The following C1QTNF7 variants were observed in gnomAD, a reference collection of about 807,000 sequenced individuals.
C1QTNF7 encodes the protein C1q and TNF related 7.
In C1QTNF7, 15 loss-of-function variants were observed where a neutral mutation model predicts 19.6. The ratio of observed to expected loss-of-function variants is 0.76; its 90% CI spans 0.51 to 1.18. The LOEUF (loss-of-function observed/expected upper bound fraction) is 1.18. C1QTNF7 is among the 50% of genes most tolerant of loss of function. C1QTNF7 has a pLI of 0.00. For missense variants in C1QTNF7, 324 were observed against 359.7 expected, an observed-to-expected ratio of 0.90 and a Z score of 0.80; for synonymous variants, 142 against 137.5, an observed-to-expected ratio of 1.03 and a Z score of -0.23.
At chr4:15,382,089 T>C (rs902048610) in intron 1 of C1QTNF7, among the ~76,000 whole-genome samples, 1 of 152,236 alleles carries the variant, frequency 6.6e-6, no homozygotes, top group African/African-American at 2.4e-5. Flanking sequence ...CCAAGGGATA[T>C]AATTCCCAGA....
At chr4:15,400,673 T>A (rs962866474) in intron 1 of C1QTNF7, among the ~76,000 whole-genome samples, 1 of 152,212 alleles carries the variant, frequency 6.6e-6, no homozygotes, top group African/African-American at 2.4e-5. Context: ...TAATGTTTGT[T>A]ATAGAAATTA....
At chr4:15,393,989 G>C (rs762479267) in intron 1 of C1QTNF7, among the ~76,000 whole-genome samples, 1 of 152,192 alleles carries the variant, frequency 6.6e-6, no homozygotes, top group Non-Finnish European at 1.5e-5. Context: ...GAGGGGGTGT[G>C]TAGGGCCAAG....
chr4:15,351,262 C>T (rs1716926296), intron 1 of C1QTNF7, among the ~76,000 whole-genome samples: 1 of 152,124 alleles, frequency 6.6e-6, no homozygotes, highest in Non-Finnish European at 1.5e-5. Context: ...ATCCTTCCTT[C>T]CTTCCTCTGT....
At chr4:15,357,791 G>A (rs1164626575) in intron 1 of C1QTNF7, among the ~76,000 whole-genome samples, 2 of 152,090 alleles carry the variant, frequency 1.3e-5, no homozygotes, top group Non-Finnish European at 2.9e-5. Flanking sequence ...CCTTGAAGAG[G>A]TACTTCACAT....
intron 1 of C1QTNF7, among the ~76,000 whole-genome samples, chr4:15,401,895 T>G (rs1023759548): frequency 6.6e-6 from 1 of 152,098 alleles, no homozygotes. Flanking sequence ...ATAAAAATGA[T>G]TACAGACAAG....
intron 1 of C1QTNF7, among the ~76,000 whole-genome samples, chr4:15,357,317 C>G (rs971192174): frequency 6.6e-6 from 1 of 152,174 alleles, no homozygotes; most frequent in Non-Finnish European, 1.5e-5. Context: ...CTGCATATGG[C>G]TATCCAGTTT....
chr4:15,429,547 T>G (rs1712213010), intron 1 of C1QTNF7, among the ~76,000 whole-genome samples: 4 of 152,240 alleles, frequency 2.6e-5, no homozygotes, highest in Admixed American at 2.6e-4. Flanking sequence ...TTCCTCATGT[T>G]GTAGCATGTG....
intron 1 of C1QTNF7, among the ~76,000 whole-genome samples, chr4:15,357,136 A>G (rs1424988360): frequency 2.0e-5 from 3 of 151,916 alleles, no homozygotes; most frequent in African/African-American, 4.8e-5. Context: ...TTTTGTTACC[A>G]TTGCTTTTGG....
intron 1 of C1QTNF7, among the ~76,000 whole-genome samples, chr4:15,412,422 G>A (rs1420503446): frequency 2.0e-5 from 3 of 151,190 alleles, no homozygotes; most frequent in Non-Finnish European, 4.4e-5. Context: ...ACATTTTCTG[G>A]CACAGGGCTT....
At chr4:15,417,595 A>C (rs1719645552) in intron 1 of C1QTNF7, among the ~76,000 whole-genome samples, 1 of 152,212 alleles carries the variant, frequency 6.6e-6, no homozygotes, top group Non-Finnish European at 1.5e-5. Flanking sequence ...TGAGCAGCAT[A>C]GTGAGAACCT....
rs146900806 is a variant in C1QTNF7, at chr4:15,442,737, G to A, written c.808G>A (p.Gly270Arg). 1.4e-4 allele frequency: 232 copies of A among 1,613,926 alleles called. No homozygotes were observed. The highest frequency in any genetic ancestry group is 1.8e-4 in the Non-Finnish European group (215 of 1,180,012). Residue 270 changes from glycine to arginine, a missense_variant, in exon 3 of 3, where the codon GGG (glycine) becomes AGG (arginine). Physicochemically the swap from Gly to Arg is moderately radical, Grantham distance 125 (BLOSUM62 -2). Coordinates refer to ENST00000444304, the MANE Select transcript of C1QTNF7 (RefSeq NM_031911.5). ...AGGTTGGGCAGACAGCTTATTCTCC[G>A]GGTTTCTCTTATACGTTGACACAGA... ...DPGWADSLFSGFLLYVDTDYL... is the reference protein window; with the variant it reads ...DPGWADSLFSRFLLYVDTDYL...
chr4:15,424,805 C>T (rs1438447776), upstream of C1QTNF7, among the ~76,000 whole-genome samples: 1 of 152,196 alleles, frequency 6.6e-6, no homozygotes, highest in African/African-American at 2.4e-5. Flanking sequence ...TGGATTTTAA[C>T]AAGTTCTAAG....
intron 1 of C1QTNF7, chr4:15,358,213 C>T (rs1308389863): frequency 6.6e-6 from 1 of 152,096 alleles, no homozygotes; most frequent in East Asian, 1.9e-4. Flanking sequence ...GTGGGTTTGT[C>T]ATAAATAGCT....
chr4:15,422,991 G>A (rs1223199210), intron 1 of C1QTNF7, among the ~76,000 whole-genome samples: 3 of 152,138 alleles, frequency 2.0e-5, no homozygotes, highest in African/African-American at 7.2e-5. Flanking sequence ...TATGATCTGG[G>A]ATAATGCTAT....
At chr4:15,389,851 CA>C (rs1718489892) in intron 1 of C1QTNF7, among the ~76,000 whole-genome samples, 1 of 152,078 alleles carries the variant, frequency 6.6e-6, no homozygotes, top group South Asian at 2.1e-4. Context: ...GTGAGTAGGT[CA>C]GGGGGCAGGA....
upstream of C1QTNF7, among the ~76,000 whole-genome samples, chr4:15,423,149 G>A (rs1711862655): frequency 6.6e-6 from 1 of 152,192 alleles, no homozygotes; most frequent in African/African-American, 2.4e-5. Flanking sequence ...CTGAGTTCCA[G>A]TTCTGGTTTA....
At chr4:15,437,618 G>T (rs544492752) in intron 2 of C1QTNF7, among the ~76,000 whole-genome samples, 1 of 152,104 alleles carries the variant, frequency 6.6e-6, no homozygotes, top group Admixed American at 6.5e-5. Flanking sequence ...AACCATATAT[G>T]AGGCTAACTA....
At chr4:15,410,682 C>G (rs1401733659) in intron 1 of C1QTNF7, among the ~76,000 whole-genome samples, 3 of 152,080 alleles carry the variant, frequency 2.0e-5, no homozygotes, top group African/African-American at 4.8e-5. Flanking sequence ...AATTGGCTAG[C>G]CTTCAGTTTT....
At chr4:15,380,566 A>G (rs1718098871) in intron 1 of C1QTNF7, among the ~76,000 whole-genome samples, 1 of 152,256 alleles carries the variant, frequency 6.6e-6, no homozygotes, top group Non-Finnish European at 1.5e-5. Context: ...GAAACTGTGT[A>G]AGTAATAGGG....
Sources: allele counts gnomAD v4.1 joint callset (sites outside exome capture counted in the v4.1 genomes callset), GRCh38; gene constraint gnomAD v4.1.1; transcripts MANE v1.5; gene names NCBI Gene and HGNC (gene_info 2026-07-23, HGNC 2026-07-21).